KITLG: variants seen among roughly 807,000 people sequenced by gnomAD.
The protein encoded by KITLG is KIT ligand.
KITLG carries 13 observed loss-of-function variants against 34.1 expected under a neutral mutation model. The ratio of observed to expected loss-of-function variants is 0.38; its 90% CI spans 0.25 to 0.61. The LOEUF is 0.61. Ranked by LOEUF, KITLG falls within the 20% of genes least tolerant of loss-of-function variation. The pLI is 0.60. For synonymous variants in KITLG, 110 were observed against 104.0 expected (o/e 1.06, Z -0.35); for missense variants, 292 against 318.9 (o/e 0.92, Z 0.64).
intron 1 of KITLG, among the ~76,000 whole-genome samples, chr12:88,552,777 C>T (rs773506652): frequency 6.6e-6 from 1 of 151,980 alleles, no homozygotes; most frequent in South Asian, 2.1e-4. Context: ...AAAAAAAACG[C>T]TTTTGGAAAC....
intron 3 of KITLG, among the ~76,000 whole-genome samples, chr12:88,531,646 T>C (rs1392533602): frequency 6.6e-6 from 1 of 152,122 alleles, no homozygotes; most frequent in East Asian, 1.9e-4. Flanking sequence ...GTAAATCAAA[T>C]TGTGCTTTCA....
chr12:88,527,541 G>A (rs557070331), intron 3 of KITLG, among the ~76,000 whole-genome samples: 7 of 152,276 alleles, frequency 4.6e-5, no homozygotes, highest in African/African-American at 1.4e-4. Flanking sequence ...AAGTCTGAAC[G>A]AAAAACTGAC....
intron 1 of KITLG, among the ~76,000 whole-genome samples, chr12:88,557,765 G>A (rs1871146366): frequency 6.6e-6 from 1 of 152,074 alleles, no homozygotes; most frequent in Admixed American, 6.6e-5. Flanking sequence ...AAAAATTCAT[G>A]AAAGTTCTGA....
intron 1 of KITLG, among the ~76,000 whole-genome samples, chr12:88,565,714 G>C (rs150553231): frequency 1.3e-5 from 2 of 152,158 alleles, no homozygotes; most frequent in African/African-American, 4.8e-5. Context: ...GGAACAAACA[G>C]ATCAGGTTTG....
Position 88,580,286 on chromosome 12 carries a change from G to A in KITLG, c.-8C>T, listed in dbSNP as rs1372271993. ...CACTTGTGTCTTCTTCATAAGGAAA[G>A]GCAGCGCTGCGATCCAGCACAAACA... On this transcript the variant is annotated 5_prime_UTR_variant, in exon 1 of 10. Transcript: ENST00000644744. The A allele has an allele frequency of 6.2e-7, 1 of 1,611,078 alleles. No homozygotes were observed. The highest frequency in any genetic ancestry group is 1.3e-5 in the African/African-American group (1 of 74,884).
chr12:88,515,674 G>T, intron 5 of KITLG, 57 bp from the exon 6 acceptor site: 1 of 1,297,384 alleles, frequency 7.7e-7, no homozygotes, highest in Non-Finnish European at 1.1e-6. Flanking sequence ...GAGTTATAGA[G>T]TCCCTGAAAG....
chr12:88,532,550 A>G (rs756209838), intron 2 of KITLG, 47 bp from the exon 3 acceptor site: 1 of 1,268,840 alleles, frequency 7.9e-7, no homozygotes, highest in Non-Finnish European at 1.1e-6. Flanking sequence ...CTTATACATC[A>G]ATTAATCATA....
chr12:88,523,374 A>G (rs1256231191), intron 3 of KITLG, among the ~76,000 whole-genome samples: 1 of 152,194 alleles, frequency 6.6e-6, no homozygotes, highest in Admixed American at 6.5e-5. Context: ...TCGATCACTC[A>G]TTTTGTTCTA....
chr12:88,553,917 G>A (rs1289378654), intron 1 of KITLG, among the ~76,000 whole-genome samples: 3 of 152,090 alleles, frequency 2.0e-5, no homozygotes, highest in African/African-American at 7.2e-5. Flanking sequence ...GGGGTGGGAG[G>A]GATTTACAAG....
intron 1 of KITLG, among the ~76,000 whole-genome samples, chr12:88,568,526 A>G (rs1487266994): frequency 6.6e-6 from 1 of 152,048 alleles, no homozygotes; most frequent in Admixed American, 6.6e-5. Context: ...CCATTACACC[A>G]ATGAGGATAT....
chr12:88,498,982 G>C (rs558005031), intron 9 of KITLG, among the ~76,000 whole-genome samples: 1 of 152,074 alleles, frequency 6.6e-6, no homozygotes, highest in African/African-American at 2.4e-5. Context: ...GAAAATAAAC[G>C]TAAAGACTGG....
At chr12:88,567,415 T>A (rs1292242231) in intron 1 of KITLG, among the ~76,000 whole-genome samples, 1 of 152,150 alleles carries the variant, frequency 6.6e-6, no homozygotes, top group East Asian at 1.9e-4. Flanking sequence ...CAGCACTCCA[T>A]CAAAAAGAAC....
chr12:88,529,017 CAAAG>C (rs1182571371), intron 3 of KITLG, among the ~76,000 whole-genome samples: 2 of 152,160 alleles, frequency 1.3e-5, no homozygotes, highest in African/African-American at 4.8e-5. Flanking sequence ...GTTCCTAACA[CAAAG>C]AAATTGTAAA....
chr12:88,566,579 C>G (rs761480342), intron 1 of KITLG, among the ~76,000 whole-genome samples: 1 of 152,106 alleles, frequency 6.6e-6, no homozygotes, highest in East Asian at 1.9e-4. Context: ...TACCCAAATG[C>G]GAGGCCCTCA....
At chr12:88,573,285 T>C (rs1483373500) in intron 1 of KITLG, among the ~76,000 whole-genome samples, 2 of 152,156 alleles carry the variant, frequency 1.3e-5, no homozygotes, top group East Asian at 3.9e-4. Flanking sequence ...AAGCACACTT[T>C]CTCTGTCACA....
Position 88,494,422 on chromosome 12 carries a change from T to C in KITLG, c.*2797A>G, listed in dbSNP as rs1399953721. Reference sequence around the variant, plus strand: ...CAAAGTACTTTAAAGCTCAATGAAATGTATTTAATTCTTACTAAAACCAAT... The same window carrying C: ...CAAAGTACTTTAAAGCTCAATGAAACGTATTTAATTCTTACTAAAACCAAT... On this transcript the variant is annotated 3_prime_UTR_variant, in exon 10 of 10. Coordinates refer to ENST00000644744, the MANE Select transcript of KITLG (RefSeq NM_000899.5). The C allele has an allele frequency of 6.6e-6, 1 of 152,336 alleles. No individual in the cohort carries two copies. 9.4% of individuals were successfully genotyped at this position (152,336 alleles called of 1,614,324 possible). A position where few individuals can be genotyped will look rare whatever the true frequency, so the allele number is the denominator to read the frequency against.
At chr12:88,540,114 T>TAGTTA (rs1870471173) in intron 2 of KITLG, among the ~76,000 whole-genome samples, 1 of 152,152 alleles carries the variant, frequency 6.6e-6, no homozygotes, top group Non-Finnish European at 1.5e-5. Flanking sequence ...TGATGATGAT[T>TAGTTA]CCAATTAAGT....
In KITLG at chr12:88,493,128, T is replaced by A. The variant is rs1422757751; in HGVS notation, c.*4091A>T. 3 of 152,344 alleles carry A rather than the reference T, an allele frequency of 2.0e-5. No homozygotes were observed. Among genetic ancestry groups the A allele is most frequent in the Non-Finnish European group, 4.4e-5 (3 of 67,878 alleles). The allele number at this position is 152,344 out of a possible 1,614,324, so 9.4% of individuals were successfully genotyped here. ...AAATGGTGGCAAGTGGACACTATAATCACATATTAACCCTTAGAATATAGA... is the reference window on the plus strand; with the variant it reads ...AAATGGTGGCAAGTGGACACTATAAACACATATTAACCCTTAGAATATAGA... On this transcript the variant is annotated 3_prime_UTR_variant, in exon 10 of 10. Transcript: ENST00000644744.
intron 2 of KITLG, 118 bp from the exon 3 acceptor site, chr12:88,532,621 T>A (rs1019140539): frequency 2.8e-6 from 2 of 705,942 alleles, no homozygotes; most frequent in Admixed American, 2.5e-5. Context: ...TACCAATGAA[T>A]TTCAATATTT....
Sources: gnomAD v4.1 joint callset for allele counts (sites outside exome capture counted in the v4.1 genomes callset) on GRCh38, gnomAD v4.1.1 for gene constraint, MANE v1.5 for transcripts, NCBI Gene and HGNC (gene_info 2026-07-23, HGNC 2026-07-21) for gene names.